The following ZBTB45 variants were observed in gnomAD, a reference collection of about 807,000 sequenced individuals.
ZBTB45 encodes zinc finger and BTB domain-containing protein 45.
Under a neutral mutation model 28.4 loss-of-function variants are expected in ZBTB45, and 22 were observed. The ratio of observed to expected loss-of-function variants is 0.77; its 90% CI spans 0.55 to 1.10. The LOEUF is 1.10. Ranked by LOEUF, ZBTB45 falls within the 50% of genes least tolerant of loss-of-function variation. The pLI is 0.00. For synonymous variants in ZBTB45, 361 were observed against 332.3 expected, an observed-to-expected ratio of 1.09 and a Z score of -0.94; for missense variants, 656 against 750.2, an observed-to-expected ratio of 0.87 and a Z score of 1.47.
At chr19:58,535,565 G>A (rs2053655916) in intron 1 of ZBTB45, among the ~76,000 whole-genome samples, 1 of 152,060 alleles carries the variant, frequency 6.6e-6, no homozygotes, top group Non-Finnish European at 1.5e-5. Context: ...AACCTAGGAG[G>A]CAGAGGTTGC....
At chr19:58,522,248 G>A (rs1245111392), upstream of ZBTB45, among the ~76,000 whole-genome samples, 1 of 149,078 alleles carries the variant, frequency 6.7e-6, no homozygotes, top group Non-Finnish European at 1.5e-5. Flanking sequence ...TGCAACCTCC[G>A]CCTCACAGGT....
rs182973156 is a variant in ZBTB45 at position 58,515,805 on chromosome 19, G to A, written c.1279+590C>T. Reference sequence around the variant, plus strand: ...ACCTCTCCTGCAGCACTGCAGAGCCGCCTCCCTGACACGGCCAAGGTCCGA... The same window carrying A: ...ACCTCTCCTGCAGCACTGCAGAGCCACCTCCCTGACACGGCCAAGGTCCGA... On this transcript the variant is annotated intron_variant, in intron 2 of 2. Transcript: ENST00000594051. This position sits in a 1 kb window ranked among gnomAD's most constrained non-coding sequence, Gnocchi z 4.7. Among the ~76,000 whole-genome samples, 5 of 152,166 alleles carry A rather than the reference G, an allele frequency of 3.3e-5. No individual in the cohort carries two copies. Among genetic ancestry groups the A allele is most frequent in the African/African-American group, 7.2e-5 (3 of 41,508 alleles).
chr19:58,516,957 G>A lies in ZBTB45; in HGVS notation c.717C>T (p.Asp239=). 4 of 1,613,302 alleles carry A rather than the reference G, an allele frequency of 2.5e-6. No homozygotes were observed. Among genetic ancestry groups the A allele is most frequent in the Non-Finnish European group, 2.5e-6 (3 of 1,180,018 alleles). The change falls in exon 2 of 3, where the codon GAC becomes GAT. Residue 239 remains aspartate, a synonymous_variant. Coordinates refer to ENST00000594051, the MANE Select transcript of ZBTB45 (RefSeq NM_001316979.2). The surrounding 1 kb of genome is among the most constrained non-coding windows in gnomAD (Gnocchi z 6.2). ...CAGCAGTGAGGAAGCCAGCAGCACA[G>A]TCTGGGAAGGAAGGAGGTGCCTGGC... is the stretch of plus-strand genomic sequence containing the variant. The part of the protein sequence containing the change: ...GEGQAPPSFP[D]CAAGFLTAAA...
chr19:58,529,084 C>CAAAAAAAAAAAAAAAAAAA (rs1231496438), intron 1 of ZBTB45, among the ~76,000 whole-genome samples: 28 of 61,356 alleles, frequency 4.6e-4, no homozygotes, highest in South Asian at 1.1e-3. Flanking sequence ...AACTCCATCT[C>CAAAAAAAAAAAAAAAAAAA]AAAAAAAAAA....
upstream of ZBTB45, among the ~76,000 whole-genome samples, chr19:58,520,610 G>C (rs1479063356): frequency 6.6e-6 from 1 of 152,160 alleles, no homozygotes; most frequent in Non-Finnish European, 1.5e-5. Context: ...GTATCATAAG[G>C]GTCCTTAAAG....
chr19:58,527,193 C>A (rs1343516471), intron 1 of ZBTB45, among the ~76,000 whole-genome samples: 1 of 152,194 alleles, frequency 6.6e-6, no homozygotes, highest in Admixed American at 6.5e-5. Context: ...CTCCTCGATG[C>A]CCTGGAGCGA....
chr19:58,528,008 G>A (rs2053616643), intron 1 of ZBTB45, among the ~76,000 whole-genome samples: 1 of 152,180 alleles, frequency 6.6e-6, no homozygotes, highest in Admixed American at 6.5e-5. Flanking sequence ...GGCTGAGACA[G>A]GAGAATCCCT....
At chr19:58,533,486 G>A (rs941482940) in intron 1 of ZBTB45, among the ~76,000 whole-genome samples, 3 of 152,152 alleles carry the variant, frequency 2.0e-5, no homozygotes, top group African/African-American at 4.8e-5. Flanking sequence ...GTGACAAGCC[G>A]AGGCCACCAG....
Position 58,517,116 on chromosome 19 carries a change from T to G in ZBTB45, c.558A>C (p.Thr186=). The change falls in exon 2 of 3, where the codon ACA becomes ACC. Residue 186 remains threonine, a synonymous_variant. Coordinates refer to ENST00000594051, the MANE Select transcript of ZBTB45 (RefSeq NM_001316979.2). ...CATCAGGCCCCTCAGCCTTGGCAGG[T>G]GTTGGGGGCGCTGGCAGCTGCAAAC... ...PARLQLPAPP[T]PAKAEGPDAD... The G allele has an allele frequency of 6.2e-7, 1 of 1,612,646 alleles. No homozygotes were observed. The highest frequency in any genetic ancestry group is 8.5e-7 in the Non-Finnish European group (1 of 1,179,786).
chr19:58,530,210 C>CAA (rs1491387616), intron 1 of ZBTB45, among the ~76,000 whole-genome samples: 2 of 20,860 alleles, frequency 9.6e-5, no homozygotes, highest in Admixed American at 3.7e-4. Flanking sequence ...AGAGCGCATG[C>CAA]ACACACACAC....
At chr19:58,536,246 A>G (rs556878546) in intron 1 of ZBTB45, among the ~76,000 whole-genome samples, 219 of 152,192 alleles carry the variant, frequency 1.4e-3, no homozygotes, top group African/African-American at 5.1e-3. Flanking sequence ...TGGGTGGATC[A>G]TGAGGTCAGG....
intron 1 of ZBTB45, among the ~76,000 whole-genome samples, chr19:58,517,901 C>A (rs544507470): frequency 6.6e-6 from 1 of 151,622 alleles, no homozygotes; most frequent in African/African-American, 2.4e-5. Flanking sequence ...CGTCTACAGC[C>A]CCCCATTAAC....
At chr19:58,525,617 A>C (rs2053603166) in intron 1 of ZBTB45, among the ~76,000 whole-genome samples, 2 of 152,296 alleles carry the variant, frequency 1.3e-5, no homozygotes, top group African/African-American at 4.8e-5. Context: ...GAGGTGGTAG[A>C]AGCAATGGCT....
In ZBTB45 at chr19:58,534,596, G is replaced by A. The variant is rs1474276462; in HGVS notation, c.-1+4105C>T. Among the ~76,000 whole-genome samples, 3 of 136,792 alleles carry A rather than the reference G, an allele frequency of 2.2e-5. No homozygotes were observed. In the East Asian group the frequency reaches 6.3e-4, roughly 29 times the overall value. 89.7% of individuals were successfully genotyped at this position (136,792 alleles called of 152,430 possible). On this transcript the variant is annotated intron_variant, in intron 1 of 1. Transcript: ENST00000600130. ...TTTTGAGGCGGAGTCTCACTCTGTT[G>A]CTCAGGCTGGAGTGCAGTGGCGCAA...
chr19:58,519,552 C>T (rs1332970561), intron 1 of ZBTB45, 190 bp downstream of exon 1: 2 of 152,574 alleles, frequency 1.3e-5, no homozygotes, highest in Non-Finnish European at 2.9e-5. Flanking sequence ...GCCCGCGCCC[C>T]ACCCTACGCC....
chr19:58,534,840 G>A (rs2053652408), intron 1 of ZBTB45, among the ~76,000 whole-genome samples: 1 of 148,526 alleles, frequency 6.7e-6, no homozygotes, highest in Non-Finnish European at 1.5e-5. Context: ...ACAGGCGTGA[G>A]CCACCGTGCC....
At position 58,528,497 on chromosome 19, in the gene ZBTB45, C is replaced by T. The variant is rs148090805; in HGVS notation, c.-1+10204G>A. 1.7e-3 allele frequency among the ~76,000 whole-genome samples: 258 copies of T among 150,728 alleles called. 1 individual carries two copies. Among genetic ancestry groups the T allele is most frequent in the African/African-American group, 5.6e-3 (232 of 41,120 alleles). ...AAAAAAGTCCAGGTGCGGTGGCTCA[C>T]GCCTATAATCCCAGCACTTTGGGAG... On this transcript the variant is annotated intron_variant, in intron 1 of 1. Transcript: ENST00000600130.
At position 58,513,576 on chromosome 19, in the gene ZBTB45, G is replaced by A. The variant is rs981335218; in HGVS notation, c.*478C>T. The A allele has an allele frequency of 1.3e-5, 2 of 157,276 alleles. No individual in the cohort carries two copies. Among genetic ancestry groups the A allele is most frequent in the African/African-American group, 2.4e-5 (1 of 41,642 alleles). 9.7% of individuals were successfully genotyped at this position (157,276 alleles called of 1,614,324 possible). The stretch of plus-strand genomic sequence containing the variant: ...CCTACAGTCCTTTATTAGAGCGAGA[G>A]TCCCGAGGCCCAGCCCCCATATATG... On this transcript the variant is annotated 3_prime_UTR_variant, in exon 3 of 3. Coordinates refer to ENST00000594051, the MANE Select transcript of ZBTB45 (RefSeq NM_001316979.2).
chr19:58,513,731 A>G lies in ZBTB45; in HGVS notation c.*323T>C. On this transcript the variant is annotated 3_prime_UTR_variant, in exon 3 of 3. Coordinates refer to ENST00000594051, the MANE Select transcript of ZBTB45 (RefSeq NM_001316979.2). ...CCAGCCCCCACCACCACCCCAGGAG[A>G]GGGCGGGGTGAGAACCGGAGTCAAA... 1 of 271,796 alleles carries G rather than the reference A, an allele frequency of 3.7e-6. No individual in the cohort carries two copies. Among genetic ancestry groups the G allele is most frequent in the Non-Finnish European group, 6.9e-6 (1 of 145,786 alleles). 16.8% of individuals were successfully genotyped at this position (271,796 alleles called of 1,614,324 possible).
Sources: gnomAD v4.1 joint callset for allele counts (sites outside exome capture counted in the v4.1 genomes callset) on GRCh38, gnomAD v4.1.1 for gene constraint, Gnocchi (gnomAD v3.1) non-coding constraint, MANE v1.5 for transcripts, NCBI Gene and HGNC (gene_info 2026-07-23, HGNC 2026-07-21) for gene names.